The following NIPAL2 variants were observed in gnomAD, a reference collection of about 807,000 sequenced individuals.
NIPAL2 encodes NIPA-like protein 2.
In NIPAL2, 43 loss-of-function variants were observed where a neutral mutation model predicts 48.9. The observed-to-expected ratio is 0.88, with a 90% CI of 0.69 to 1.13. NIPAL2 has a LOEUF of 1.13. Among genes scored for constraint, NIPAL2 ranks in the 50% most tolerant of loss-of-function variants. NIPAL2 has a pLI of 0.00. For missense variants in NIPAL2, 446 were observed against 461.4 expected, an observed-to-expected ratio of 0.97 and a Z score of 0.31; for synonymous variants, 167 against 174.6, an observed-to-expected ratio of 0.96 and a Z score of 0.34.
intron 3 of NIPAL2, 97 bp downstream of exon 3, chr8:98,252,366 A>T: frequency 8.4e-7 from 1 of 1,196,382 alleles, no homozygotes; most frequent in African/African-American, 1.5e-5. Flanking sequence ...CAGGCAATAG[A>T]CTTTCTTCTT....
intron 1 of NIPAL2, among the ~76,000 whole-genome samples, 168 bp from the exon 2 acceptor site, chr8:98,254,255 C>T (rs907040783): frequency 3.3e-5 from 5 of 152,138 alleles, no homozygotes; most frequent in South Asian, 2.1e-4. Flanking sequence ...ATTAGTTTTT[C>T]ACTTTTTTCG....
At chr8:98,288,115 G>C (rs1816282142) in intron 1 of NIPAL2, among the ~76,000 whole-genome samples, 1 of 151,812 alleles carries the variant, frequency 6.6e-6, no homozygotes, top group Non-Finnish European at 1.5e-5. Flanking sequence ...ATGTATACAT[G>C]TGCCATGCTG....
intron 1 of NIPAL2, among the ~76,000 whole-genome samples, chr8:98,273,328 GA>G (rs1411149530): frequency 6.6e-6 from 1 of 152,156 alleles, no homozygotes; most frequent in Non-Finnish European, 1.5e-5. Flanking sequence ...TGTAGAGACA[GA>G]AAATAAATCA....
At chr8:98,210,527 A>T (rs1319745403) in intron 6 of NIPAL2, among the ~76,000 whole-genome samples, 4 of 152,318 alleles carry the variant, frequency 2.6e-5, no homozygotes, top group African/African-American at 7.2e-5. Context: ...TATAGGATCA[A>T]CTTTTGTAAA....
intron 3 of NIPAL2, among the ~76,000 whole-genome samples, chr8:98,249,146 C>T (rs892619992): frequency 2.6e-5 from 4 of 152,018 alleles, no homozygotes; most frequent in Non-Finnish European, 5.9e-5. Context: ...TCATAGTGTG[C>T]ATAGGCCTGT....
intron 4 of NIPAL2, among the ~76,000 whole-genome samples, chr8:98,227,081 T>TCTTCAGTCACTGGGACTG (rs1437091754): frequency 1.3e-5 from 2 of 152,032 alleles, no homozygotes; most frequent in Non-Finnish European, 2.9e-5. Context: ...AATGGTGACA[T>TCTTCAGTCACTGGGACTG]AAGGCCCAAA....
In NIPAL2 at chr8:98,269,054, G is replaced by T. The variant is rs755023357; in HGVS notation, c.136-14967C>A. ...CTCCATTCAAGTTTGATCATGAGAT[G>T]GCAGCAATTCAATGACATCTTCAGG... On this transcript the variant is annotated intron_variant, in intron 1 of 10. Transcript: ENST00000430223. Among the ~76,000 whole-genome samples the T allele has an allele frequency of 1.2e-4, 19 of 152,286 alleles. No individual in the cohort carries two copies. The Middle Eastern group carries it at 0.01, about 82-fold the overall frequency.
In NIPAL2 at chr8:98,292,879, G is replaced by T. The variant is rs1037006751; in HGVS notation, c.135+1124C>A. Reference sequence around the variant, plus strand: ...TAATTCCTGTGGGTAGAAGAAAGGAGAAATGGGGTTGGATTACAAACATTG... The same window carrying T: ...TAATTCCTGTGGGTAGAAGAAAGGATAAATGGGGTTGGATTACAAACATTG... On this transcript the variant is annotated intron_variant, in intron 1 of 10. Coordinates refer to ENST00000430223, the MANE Select transcript of NIPAL2 (RefSeq NM_001321635.2). Among the ~76,000 whole-genome samples, 3 of 152,100 alleles carry T rather than the reference G, an allele frequency of 2.0e-5. No individual in the cohort carries two copies. In the South Asian group the frequency reaches 6.2e-4, roughly 32 times the overall value.
chr8:98,224,702 T>A (rs1415995062), intron 4 of NIPAL2, among the ~76,000 whole-genome samples: 1 of 151,778 alleles, frequency 6.6e-6, no homozygotes, highest in African/African-American at 2.4e-5. Context: ...CAAAACTTTT[T>A]AAAAATATAA....
intron 4 of NIPAL2, among the ~76,000 whole-genome samples, chr8:98,234,815 G>T (rs1351064980): frequency 3.3e-5 from 5 of 151,600 alleles, no homozygotes; most frequent in Non-Finnish European, 7.4e-5. Flanking sequence ...GCCTCCCAAA[G>T]TGCTGGGATT....
rs536898818 is a variant in NIPAL2 at position 98,192,543 on chromosome 8, GA to G, written c.*434del. 65 of 155,610 alleles carry G rather than the reference GA, an allele frequency of 4.2e-4. 3 individuals carry two copies. The East Asian group carries it at 0.012, about 28-fold the overall frequency. 9.6% of individuals were successfully genotyped at this position (155,610 alleles called of 1,614,324 possible). A position where few individuals can be genotyped will look rare whatever the true frequency, so the allele number is the denominator to read the frequency against. ...AGGGAGGCTTATAAAAGGTGTCTTAGAAAAAAAATGAGCGCTCTCAAACCTT... is the reference window on the plus strand; with the variant it reads ...AGGGAGGCTTATAAAAGGTGTCTTAGAAAAAAATGAGCGCTCTCAAACCTT... On this transcript the variant is annotated 3_prime_UTR_variant, in exon 11 of 11. Transcript: ENST00000430223.
At chr8:98,220,487 T>C (rs1028386953) in intron 5 of NIPAL2, among the ~76,000 whole-genome samples, 1 of 151,774 alleles carries the variant, frequency 6.6e-6, no homozygotes, top group African/African-American at 2.4e-5. Context: ...CATGGCTCAC[T>C]GCAACCTTGA....
At chr8:98,292,391 T>C (rs1461342034) in intron 1 of NIPAL2, among the ~76,000 whole-genome samples, 2 of 152,216 alleles carry the variant, frequency 1.3e-5, no homozygotes, top group African/African-American at 4.8e-5. Flanking sequence ...TACCACCATC[T>C]TATAAGAGGG....
At chr8:98,286,037 A>G (rs1371212395) in intron 1 of NIPAL2, among the ~76,000 whole-genome samples, 1 of 152,210 alleles carries the variant, frequency 6.6e-6, no homozygotes. Context: ...CTGTGCCTTC[A>G]TGAGCGGATT....
chr8:98,197,751 T>C (rs56326963), intron 8 of NIPAL2, among the ~76,000 whole-genome samples: 6,092 of 152,294 alleles, frequency 0.04, 442 homozygotes, highest in African/African-American at 0.14. Flanking sequence ...CAACTCCTCA[T>C]CCATTAAAGT....
chr8:98,272,611 GCTAT>G (rs1204563043), intron 1 of NIPAL2, among the ~76,000 whole-genome samples: 2 of 150,844 alleles, frequency 1.3e-5, no homozygotes, highest in Non-Finnish European at 3.0e-5. Flanking sequence ...CATAGTGTGT[GCTAT>G]CTTTTTTTTT....
At chr8:98,195,660 G>T (rs765619992) in intron 9 of NIPAL2, 2 of 303,424 alleles carry the variant, frequency 6.6e-6, no homozygotes, top group Non-Finnish European at 1.2e-5. Flanking sequence ...AGTACAGAAA[G>T]GTCGTGCAGT....
Position 98,256,021 on chromosome 8 carries a change from A to AT in NIPAL2, c.136-1935dup, listed in dbSNP as rs543809759. Among the ~76,000 whole-genome samples, 1,153 of 146,750 alleles carry AT rather than the reference A, an allele frequency of 7.9e-3. 7 individuals carry two copies. Among genetic ancestry groups the AT allele is most frequent in the Admixed American group, 0.012 (179 of 14,650 alleles). ...TGTACTTCATCAAGATTAAAAACTT[A>AT]TTTTTTTTTTTTGAGACAGAATCTC... On this transcript the variant is annotated intron_variant, in intron 1 of 10. Transcript: ENST00000430223.
At chr8:98,254,152 A>C in intron 1 of NIPAL2, 65 bp from the exon 2 acceptor site, 1 of 1,316,422 alleles carries the variant, frequency 7.6e-7, no homozygotes, top group Non-Finnish European at 1.1e-6. Context: ...AAAAAGACAA[A>C]TTTAGGTGTT....
Sources: allele counts gnomAD v4.1 joint callset (sites outside exome capture counted in the v4.1 genomes callset), GRCh38; gene constraint gnomAD v4.1.1; transcripts MANE v1.5; gene names NCBI Gene and HGNC (gene_info 2026-07-23, HGNC 2026-07-21).